KANK1: variants seen among roughly 807,000 people sequenced by gnomAD.
KANK1 encodes the protein KN motif and ankyrin repeat domains 1, also known as KN motif and ankyrin repeat domain-containing protein 1.
A neutral mutation model predicts 106.2 loss-of-function variants in KANK1; 109 were observed. The ratio of observed to expected loss-of-function variants is 1.03; its 90% CI spans 0.88 to 1.20. The LOEUF is 1.20. Among genes scored for constraint, KANK1 ranks in the 50% most tolerant of loss-of-function variants. The probability of loss-of-function intolerance (pLI) is 0.00; values close to 1 mark genes in which losing one functional copy is unlikely to be tolerated. For missense variants in KANK1, 2,399 were observed against 1,710.7 expected, an observed-to-expected ratio of 1.40 and a Z score of -7.10; for synonymous variants, 873 against 652.2, an observed-to-expected ratio of 1.34 and a Z score of -5.16.
intron 1 of KANK1, among the ~76,000 whole-genome samples, chr9:558,536 C>T (rs1248083475): frequency 2.0e-5 from 3 of 152,146 alleles, no homozygotes; most frequent in East Asian, 3.9e-4. Context: ...TGGCGAAGAG[C>T]ACTGTATCTC....
At chr9:687,106 T>C (rs1244810254) in intron 2 of KANK1, among the ~76,000 whole-genome samples, 4 of 152,132 alleles carry the variant, frequency 2.6e-5, no homozygotes, top group Middle Eastern at 3.2e-3. Context: ...GTTATGAAAC[T>C]CCATAGAAAT....
At chr9:504,164 C>G (rs1216334799), upstream of KANK1, among the ~76,000 whole-genome samples, 2 of 152,174 alleles carry the variant, frequency 1.3e-5, no homozygotes, top group Non-Finnish European at 2.9e-5. Context: ...AGGCCAGCCT[C>G]GTTGCCAGAA....
chr9:712,194 T>G lies in KANK1; in HGVS notation c.1428T>G (p.Leu476=), dbSNP rs1164215294. Residue 476 remains leucine (L), a synonymous_variant, in exon 3 of 12, where the codon CTT becomes CTG. Transcript: ENST00000382297. ...AGATCTATCGCCTAGAAGTACAGCT[T>G]AGAGAAACCACCCATGACCGGGAGA... The part of the protein sequence containing the change: ...KEKIYRLEVQ[L]RETTHDREMT... 8 of 1,613,966 alleles carry G rather than the reference T, an allele frequency of 5.0e-6. No individual in the cohort carries two copies. The Admixed American group carries it at 1.0e-4, about 20-fold the overall frequency.
In KANK1 at chr9:580,324, G is replaced by C. The variant is rs563378211; in HGVS notation, c.-84+75570G>C. Reference sequence around the variant, plus strand: ...CATAAAGGCAGCGCGGACCCGAAGAGTGAGCAGCAGCAAGATTTATTGCAA... The same window carrying C: ...CATAAAGGCAGCGCGGACCCGAAGACTGAGCAGCAGCAAGATTTATTGCAA... On this transcript the variant is annotated intron_variant, in intron 1 of 11. Transcript: ENST00000382297. Among the ~76,000 whole-genome samples the C allele has an allele frequency of 1.2e-4, 18 of 152,286 alleles. No individual in the cohort carries two copies. In the East Asian group the frequency reaches 2.9e-3, roughly 24 times the overall value.
intron 10 of KANK1, among the ~76,000 whole-genome samples, chr9:743,649 G>A (rs1199414816): frequency 6.6e-6 from 1 of 152,008 alleles, no homozygotes; most frequent in Non-Finnish European, 1.5e-5. Flanking sequence ...AGGATCGCTC[G>A]AGCCCAGGAG....
intron 3 of KANK1, among the ~76,000 whole-genome samples, chr9:716,131 G>T (rs1203368507): frequency 6.6e-6 from 1 of 152,182 alleles, no homozygotes; most frequent in East Asian, 1.9e-4. Context: ...GCATATAAAT[G>T]ATCACTTATA....
intron 1 of KANK1, among the ~76,000 whole-genome samples, chr9:601,639 C>A (rs895807094): frequency 6.6e-6 from 1 of 151,834 alleles, no homozygotes. Context: ...TGGACAGTTA[C>A]TTCATTCTGT....
At chr9:621,073 G>C (rs1833037770) in intron 1 of KANK1, among the ~76,000 whole-genome samples, 1 of 152,100 alleles carries the variant, frequency 6.6e-6, no homozygotes, top group African/African-American at 2.4e-5. Flanking sequence ...CCCAGTACTA[G>C]AAATCTAAGC....
At position 713,272 on chromosome 9, in the gene KANK1, G is replaced by A; in HGVS notation, c.2506G>A (p.Glu836Lys). Residue 836 changes from glutamate to lysine, a missense_variant, in exon 3 of 12, where the codon GAA (glutamate) becomes AAA (lysine). By Grantham distance (56) the Glu-to-Lys change is moderately conservative. Coordinates refer to ENST00000382297, the MANE Select transcript of KANK1 (RefSeq NM_015158.5). ...TGAGCGTATCCAGAAGCTGCTGGCA[G>A]AACAGCAGACACTGCTGGCTGAGAA... ...YIERIQKLLA[E>K]QQTLLAENYS... 1 of 1,613,024 alleles carries A rather than the reference G, an allele frequency of 6.2e-7. No homozygotes were observed. Among genetic ancestry groups the A allele is most frequent in the Non-Finnish European group, 8.5e-7 (1 of 1,179,436 alleles).
At chr9:490,223 C>G (rs1403782209) in intron 3 of KANK1, among the ~76,000 whole-genome samples, 2 of 152,178 alleles carry the variant, frequency 1.3e-5, no homozygotes, top group African/African-American at 4.8e-5. Flanking sequence ...AATAGACAGT[C>G]AGGCACAGCA....
chr9:655,044 A>C (rs1042340849), intron 1 of KANK1, among the ~76,000 whole-genome samples: 2 of 152,078 alleles, frequency 1.3e-5, no homozygotes, highest in East Asian at 3.9e-4. Flanking sequence ...GATTAGTTCA[A>C]TTGGTCTTTG....
intron 1 of KANK1, among the ~76,000 whole-genome samples, chr9:537,299 C>A (rs1315419557): frequency 6.6e-6 from 1 of 152,122 alleles, no homozygotes; most frequent in African/African-American, 2.4e-5. Flanking sequence ...GACGAGAAGC[C>A]TCCTCTCCAC....
intron 1 of KANK1, among the ~76,000 whole-genome samples, chr9:584,601 A>G (rs1265030780): frequency 6.6e-6 from 1 of 152,208 alleles, no homozygotes; most frequent in African/African-American, 2.4e-5. Context: ...CCTACAGCAG[A>G]AGAAGAATAT....
rs550990252 is a variant in KANK1, at chr9:608,034, A to ATTATTTT, written c.-83-68854_-83-68853insATTTTTT. Among the ~76,000 whole-genome samples the ATTATTTT allele has an allele frequency of 1.2e-3, 133 of 115,290 alleles. 1 individual carries two copies. Among genetic ancestry groups the ATTATTTT allele is most frequent in the South Asian group, 4.6e-3 (17 of 3,674 alleles). 75.6% of individuals were successfully genotyped at this position (115,290 alleles called of 152,430 possible). A position where few individuals can be genotyped will look rare whatever the true frequency, so the allele number is the denominator to read the frequency against. On this transcript the variant is annotated intron_variant, in intron 1 of 11. Coordinates refer to ENST00000382297, the MANE Select transcript of KANK1 (RefSeq NM_015158.5). ...CAGAATTATTATTATTATTATTATT[A>ATTATTTT]TTTTTTTTTTTTTTGAGACGGAGTC...
intron 1 of KANK1, among the ~76,000 whole-genome samples, chr9:615,648 G>C (rs1274892431): frequency 6.6e-6 from 1 of 152,116 alleles, no homozygotes; most frequent in Non-Finnish European, 1.5e-5. Flanking sequence ...TGTGCTTTCA[G>C]TTTATTTTCC....
intron 1 of KANK1, among the ~76,000 whole-genome samples, chr9:600,281 C>G (rs988057080): frequency 6.6e-6 from 1 of 151,744 alleles, no homozygotes; most frequent in African/African-American, 2.4e-5. Context: ...AGTGGAATCA[C>G]ACGCTGTCTG....
chr9:531,515 G>A (rs2060053650), intron 1 of KANK1, among the ~76,000 whole-genome samples: 1 of 152,180 alleles, frequency 6.6e-6, no homozygotes, highest in Admixed American at 6.5e-5. Context: ...AAGAGAAAAA[G>A]CAATTAAATA....
At chr9:736,234 C>G (rs1179615875) in intron 7 of KANK1, among the ~76,000 whole-genome samples, 1 of 152,104 alleles carries the variant, frequency 6.6e-6, no homozygotes, top group Non-Finnish European at 1.5e-5. Context: ...CTGGGATTTA[C>G]AGGCATGACC....
intron 3 of KANK1, among the ~76,000 whole-genome samples, chr9:721,821 A>T (rs192460233): frequency 7.9e-5 from 12 of 152,322 alleles, no homozygotes; most frequent in African/African-American, 2.4e-4. Context: ...GATAAGAATG[A>T]CCCCAACCAG....
Sources: gnomAD v4.1 joint callset for allele counts (sites outside exome capture counted in the v4.1 genomes callset) on GRCh38, gnomAD v4.1.1 for gene constraint, MANE v1.5 for transcripts, NCBI Gene and HGNC (gene_info 2026-07-23, HGNC 2026-07-21) for gene names.